Variants in ASCC2 observed in about 807,000 individuals in gnomAD.
ASCC2 encodes the protein ASC-1 complex subunit P100.
A neutral mutation model predicts 93.5 loss-of-function variants in ASCC2; 42 were observed. That is an observed-to-expected ratio of 0.45 (90% CI 0.35 to 0.58). The LOEUF is 0.58. ASCC2 is among the 20% of genes least tolerant of loss of function. The probability of loss-of-function intolerance (pLI) is 0.00; values close to 1 mark genes in which losing one functional copy is unlikely to be tolerated. For synonymous variants in ASCC2, 364 were observed against 384.2 expected (o/e 0.95, Z 0.62); for missense variants, 859 against 977.6 (o/e 0.88, Z 1.62).
chr22:29,814,795 A>C, intron 6 of ASCC2, 28 bp from the exon 7 acceptor site: 10 of 1,584,586 alleles, frequency 6.3e-6, no homozygotes, highest in African/African-American at 1.3e-5. Context: ...GGGCTCTCTC[A>C]CATCATACTG....
intron 5 of ASCC2, 86 bp from the exon 6 acceptor site, chr22:29,816,159 G>A (rs2060827234): frequency 7.1e-6 from 8 of 1,127,566 alleles, no homozygotes; most frequent in Non-Finnish European, 7.9e-6. Flanking sequence ...GTTGCCAGCA[G>A]GTCTGTGACC....
In ASCC2 at chr22:29,804,698, C is replaced by T. The variant is rs754449111; in HGVS notation, c.1293G>A (p.Thr431=). 1.9e-5 allele frequency: 30 copies of T among 1,614,010 alleles called. No individual in the cohort carries two copies. Among genetic ancestry groups the T allele is most frequent in the East Asian group, 2.2e-5 (1 of 44,896 alleles). ...CTTGACTGACTGCCTCTGCTGTCAC[C>T]GTGACCCCGTTAGGCTCCCCATTAG... The part of the protein sequence containing the change: ...EEPNGEPNGV[T]VTAEAVSQAS... The change falls in exon 13 of 20, where the codon ACG becomes ACA. Residue 431 remains threonine, a synonymous_variant. Coordinates refer to ENST00000307790, the MANE Select transcript of ASCC2 (RefSeq NM_032204.5).
At chr22:29,808,051 AGGGCCCTGCTC>A (rs2059884716) in intron 9 of ASCC2, 49 bp downstream of exon 9, 2 of 1,551,490 alleles carry the variant, frequency 1.3e-6, no homozygotes, top group Non-Finnish European at 8.9e-7. Flanking sequence ...CAGGGAAGGC[AGGGCCCTGCTC>A]GGGCCTCTCT....
intron 2 of ASCC2, among the ~76,000 whole-genome samples, chr22:29,830,368 T>A (rs1482681539): frequency 2.0e-5 from 3 of 152,254 alleles, no homozygotes; most frequent in Admixed American, 2.0e-4. Context: ...CTAACTCTGC[T>A]ATACTGTTGC....
rs1178107836 is a variant in ASCC2, at chr22:29,813,477, G to T, written c.786C>A (p.Ile262=). Residue 262 remains isoleucine (I), a synonymous_variant, in exon 8 of 20, where the codon ATC becomes ATA. Coordinates refer to ENST00000307790, the MANE Select transcript of ASCC2 (RefSeq NM_032204.5). ...GGAAGGTCTGGCAAGCCAAAGGGAA[G>T]ATATCCAGAAAGGCCCAAAGTGTGG... ...TCTTLWAFLD[I]FPLACQTFQK... The T allele has an allele frequency of 7.4e-6, 12 of 1,614,186 alleles. No individual in the cohort carries two copies. Among genetic ancestry groups the T allele is most frequent in the Non-Finnish European group, 1.0e-5 (12 of 1,180,002 alleles).
intron 15 of ASCC2, among the ~76,000 whole-genome samples, chr22:29,798,491 C>T (rs1033312950): frequency 6.6e-6 from 1 of 152,060 alleles, no homozygotes. Context: ...GAAGTGAGGC[C>T]CCAAGAGACT....
chr22:29,832,378 A>C, intron 1 of ASCC2, 36 bp from the exon 2 acceptor site: 1 of 1,517,106 alleles, frequency 6.6e-7, no homozygotes, highest in Non-Finnish European at 9.1e-7. Flanking sequence ...GAGAGCAGAC[A>C]CACAGACTCC....
At chr22:29,807,430 G>A (rs1330415968) in intron 9 of ASCC2, among the ~76,000 whole-genome samples, 4 of 152,080 alleles carry the variant, frequency 2.6e-5, no homozygotes, top group African/African-American at 4.8e-5. Context: ...CAGTTCAAAC[G>A]GTGGGTCAGG....
intron 18 of ASCC2, among the ~76,000 whole-genome samples, chr22:29,790,878 A>G (rs1160859943): frequency 6.6e-6 from 1 of 152,096 alleles, no homozygotes; most frequent in Non-Finnish European, 1.5e-5. Flanking sequence ...CCACTGTGAG[A>G]GGCTGTGCAG....
intron 12 of ASCC2, among the ~76,000 whole-genome samples, 184 bp from the exon 13 acceptor site, chr22:29,805,014 C>T (rs2147763019): frequency 6.6e-6 from 1 of 152,300 alleles, no homozygotes; most frequent in East Asian, 1.9e-4. Context: ...GCCACTCTGG[C>T]CTCACAACCT....
At chr22:29,817,422 C>T (rs2060992864) in intron 5 of ASCC2, among the ~76,000 whole-genome samples, 2 of 152,168 alleles carry the variant, frequency 1.3e-5, no homozygotes, top group African/African-American at 4.8e-5. Context: ...CTTCCCTACA[C>T]TACACTCCTC....
intron 2 of ASCC2, among the ~76,000 whole-genome samples, chr22:29,828,350 G>T (rs899361975): frequency 8.5e-5 from 13 of 152,122 alleles, no homozygotes; most frequent in Non-Finnish European, 1.5e-4. Flanking sequence ...CACTAAGCAG[G>T]CACAACCCAC....
At chr22:29,801,717 C>G (rs1202818556) in intron 14 of ASCC2, among the ~76,000 whole-genome samples, 1 of 152,178 alleles carries the variant, frequency 6.6e-6, no homozygotes, top group East Asian at 1.9e-4. Context: ...CTCAACAACC[C>G]TGTGTTACAT....
chr22:29,801,079 T>G lies in ASCC2; in HGVS notation c.1600A>C (p.Thr534Pro). ...TTCTGGAAGACGTTGTGGCGAGACG[T>G]CAGCAGGGGTGTAGGGTCTGGTTTC... ...EMKPDPTPLL[T>P]SRHNVFQNDE... The change falls in exon 15 of 20, where the codon ACG becomes CCG. Residue 534 changes from threonine (T) to proline (P), a missense_variant. Coordinates refer to ENST00000307790, the MANE Select transcript of ASCC2 (RefSeq NM_032204.5). 6.2e-7 allele frequency: 1 copy of G among 1,607,866 alleles called. No individual in the cohort carries two copies. The highest frequency in any genetic ancestry group is 8.5e-7 in the Non-Finnish European group (1 of 1,175,010).
intron 5 of ASCC2, among the ~76,000 whole-genome samples, chr22:29,818,403 T>TACACACAC (rs35685093): frequency 6.6e-4 from 71 of 108,114 alleles, no homozygotes; most frequent in South Asian, 1.4e-3. Context: ...ACTCCCTGCC[T>TACACACAC]ACACACACAC....
intron 1 of ASCC2, 136 bp downstream of exon 1, chr22:29,838,042 C>A: frequency 2.5e-6 from 1 of 395,360 alleles, no homozygotes. Flanking sequence ...AGGCGGCTCA[C>A]AACCCCTCAG....
rs1233165891 is a variant in ASCC2, at chr22:29,793,577, C to G, written c.1788G>C (p.Glu596Asp). Residue 596 changes from glutamate to aspartate, a missense_variant and splice_region_variant, in exon 16 of 20, where the codon GAG becomes GAC. Coordinates refer to ENST00000307790, the MANE Select transcript of ASCC2 (RefSeq NM_032204.5). Reference sequence around the variant, plus strand: ...CAGAGACCTGGCCTTGGTGGCCTACCTCCTCCACCACCACGCTGTACTGCT... The same window carrying G: ...CAGAGACCTGGCCTTGGTGGCCTACGTCCTCCACCACCACGCTGTACTGCT... ...RYEQYSVVVE[E>D]VPLQPGESLP... The G allele has an allele frequency of 1.9e-6, 3 of 1,612,866 alleles. No homozygotes were observed. The highest frequency in any genetic ancestry group is 2.5e-6 in the Non-Finnish European group (3 of 1,179,684).
At chr22:29,814,182 T>C (rs1227762952) in intron 7 of ASCC2, among the ~76,000 whole-genome samples, 1 of 152,226 alleles carries the variant, frequency 6.6e-6, no homozygotes, top group Non-Finnish European at 1.5e-5. Context: ...GGGCAGCACC[T>C]GACACATGTT....
chr22:29,794,429 T>C (rs1302558470), intron 15 of ASCC2, among the ~76,000 whole-genome samples: 1 of 147,558 alleles, frequency 6.8e-6, no homozygotes, highest in Admixed American at 6.7e-5. Flanking sequence ...GAAGTGGAGG[T>C]TGCAGTGAGC....
Sources: gnomAD v4.1 joint callset for allele counts (sites outside exome capture counted in the v4.1 genomes callset) on GRCh38, gnomAD v4.1.1 for gene constraint, MANE v1.5 for transcripts, NCBI Gene and HGNC (gene_info 2026-07-23, HGNC 2026-07-21) for gene names.